Variants in CRYAB observed in about 807,000 individuals in gnomAD.
CRYAB encodes the protein alpha-crystallin B chain.
Under a neutral mutation model 12.7 loss-of-function variants are expected in CRYAB, and 9 were observed. That is an observed-to-expected ratio of 0.71 (90% confidence interval 0.43 to 1.24). CRYAB has a LOEUF of 1.24. Ranked by LOEUF, CRYAB falls within the 50% of genes most tolerant of loss-of-function variation. The probability of loss-of-function intolerance (pLI) is 0.00; values close to 1 mark genes in which losing one functional copy is unlikely to be tolerated. For missense variants in CRYAB, 183 were observed against 226.6 expected, an observed-to-expected ratio of 0.81 and a Z score of 1.24; for synonymous variants, 93 against 86.8, an observed-to-expected ratio of 1.07 and a Z score of -0.40.
At chr11:111,921,725 C>A (rs1344319112) in intron 1 of CRYAB, among the ~76,000 whole-genome samples, 2 of 152,102 alleles carry the variant, frequency 1.3e-5, no homozygotes, top group African/African-American at 4.8e-5. Context: ...CATTAGTGGT[C>A]AACTTTTACT....
In CRYAB at chr11:111,908,883, G is replaced by A; in HGVS notation, c.409C>T (p.Leu137=). The change falls in exon 3 of 3, where the codon CTG becomes TTG. Residue 137 remains leucine, a synonymous_variant. Coordinates refer to ENST00000650687, the MANE Select transcript of CRYAB (RefSeq NM_001289808.2). The part of the protein sequence containing the change: ...DVDPLTITSS[L]SSDGVLTVNG... ...ACAGTGAGGACCCCATCAGATGACA[G>A]GGATGAAGTAATGGTGAGAGGGTCT... 6.2e-7 allele frequency: 1 copy of A among 1,614,178 alleles called. No homozygotes were observed. The highest frequency in any genetic ancestry group is 8.5e-7 in the Non-Finnish European group (1 of 1,180,034).
chr11:111,913,894 G>C (rs1965553630), upstream of CRYAB: 1 of 1,601,560 alleles, frequency 6.2e-7, no homozygotes, highest in East Asian at 2.2e-5. Context: ...GTTGAGCCCT[G>C]ATTGCCACAG....
At chr11:111,913,053 C>T, upstream of CRYAB, 1 of 683,832 alleles carries the variant, frequency 1.5e-6, no homozygotes. Flanking sequence ...ACCCCCCACC[C>T]CAGACTACCC....
At chr11:111,911,883 C>T (rs1303762908), upstream of CRYAB, 2 of 626,034 alleles carry the variant, frequency 3.2e-6, no homozygotes, top group Middle Eastern at 4.3e-4. Flanking sequence ...ACTTGTGATC[C>T]GGGATTTGGC....
At chr11:111,909,054 CT>C in intron 2 of CRYAB, 87 bp from the exon 3 acceptor site, 1 of 1,356,704 alleles carries the variant, frequency 7.4e-7, no homozygotes, top group Non-Finnish European at 1.0e-6. Context: ...CTGATTTCCC[CT>C]TAGGTGAGAC....
rs149787233 is a variant in CRYAB, at chr11:111,911,609, G to A, written c.116C>T (p.Pro39Leu). ...GAAGGGACTCAGGGAAGTAGACGTC[G>A]GGAAAAGATCAGACTCCAACAGGTG... ...GEHLLESDLF[P>L]TSTSLSPFYL... is the part of the protein sequence containing the mutation. The change falls in exon 1 of 3, where the codon CCG becomes CTG. Residue 39 changes from proline (P) to leucine (L), a missense_variant. Coordinates refer to ENST00000650687, the MANE Select transcript of CRYAB (RefSeq NM_001289808.2). 305 of 1,612,866 alleles carry A rather than the reference G, an allele frequency of 1.9e-4. No individual in the cohort carries two copies. The highest frequency in any genetic ancestry group is 2.3e-4 in the Non-Finnish European group (273 of 1,179,678).
upstream of CRYAB, among the ~76,000 whole-genome samples, chr11:111,915,967 C>G (rs1170118242): frequency 6.6e-6 from 1 of 151,704 alleles, no homozygotes; most frequent in Non-Finnish European, 1.5e-5. Flanking sequence ...GTCTTGAACT[C>G]CTGGACTCAA....
intron 1 of CRYAB, among the ~76,000 whole-genome samples, chr11:111,911,218 T>G (rs781894697): frequency 4.2e-4 from 64 of 152,180 alleles, no homozygotes; most frequent in Admixed American, 7.2e-4. Flanking sequence ...GCAAAGGAGT[T>G]TGAAGGCAGC....
At chr11:111,913,785 C>A (rs1406676332), upstream of CRYAB, 1 of 1,614,074 alleles carries the variant, frequency 6.2e-7, no homozygotes, top group Non-Finnish European at 8.5e-7. Flanking sequence ...CCTGGAAGCA[C>A]CTCGGGGTGG....
At chr11:111,912,040 G>T (rs1399500378), upstream of CRYAB, 3 of 314,332 alleles carry the variant, frequency 9.5e-6, no homozygotes, top group Non-Finnish European at 1.8e-5. Context: ...CTCTGAAGCT[G>T]GTACAGAGTC....
At chr11:111,920,798 G>T (rs1425356826) in intron 1 of CRYAB, among the ~76,000 whole-genome samples, 1 of 151,986 alleles carries the variant, frequency 6.6e-6, no homozygotes, top group Non-Finnish European at 1.5e-5. Context: ...GCAGAAGTAG[G>T]AAAAAGAAGA....
At chr11:111,911,778 G>T, upstream of CRYAB, 1 of 1,209,234 alleles carries the variant, frequency 8.3e-7, no homozygotes, top group Non-Finnish European at 1.2e-6. Flanking sequence ...TTCAGCTGCA[G>T]CTACAGCCAG....
chr11:111,919,499 C>G (rs1211333575), intron 1 of CRYAB, among the ~76,000 whole-genome samples: 4 of 151,982 alleles, frequency 2.6e-5, no homozygotes, highest in Admixed American at 2.6e-4. Flanking sequence ...AAAAACAGAG[C>G]CAAGCTAGCT....
At chr11:111,909,304 G>A (rs1307797079) in intron 2 of CRYAB, 1 of 461,050 alleles carries the variant, frequency 2.2e-6, no homozygotes, top group Non-Finnish European at 4.3e-6. Context: ...CTGAGTCCCT[G>A]AGGAAGCCCT....
chr11:111,911,931 A>G (rs1465047731), upstream of CRYAB: 15 of 582,286 alleles, frequency 2.6e-5, no homozygotes, highest in Non-Finnish European at 4.6e-5. Context: ...AGCTAAGAAA[A>G]GAGAGACACA....
upstream of CRYAB, among the ~76,000 whole-genome samples, chr11:111,916,028 C>T (rs1358930146): frequency 1.3e-5 from 2 of 152,078 alleles, no homozygotes; most frequent in African/African-American, 2.4e-5. Flanking sequence ...AGGTGTGAGC[C>T]TCTGTACCTG....
At chr11:111,913,591 A>G (rs1555165871), upstream of CRYAB, 3 of 1,614,010 alleles carry the variant, frequency 1.9e-6, no homozygotes, top group African/African-American at 4.0e-5. Context: ...GATGTGAGCC[A>G]CTTTACCCCA....
Position 111,911,590 on chromosome 11 carries a change from A to G in CRYAB, c.135T>C (p.Ser45=), listed in dbSNP as rs1355387914. The change falls in exon 1 of 3, where the codon AGT becomes AGC. Residue 45 remains serine, a synonymous_variant. Coordinates refer to ENST00000650687, the MANE Select transcript of CRYAB (RefSeq NM_001289808.2). ...AGGAGGGTGGCCGAAGGTAGAAGGG[A>G]CTCAGGGAAGTAGACGTCGGGAAAA... is the stretch of plus-strand genomic sequence containing the variant. ...SDLFPTSTSL[S]PFYLRPPSFL... is the part of the protein sequence containing the mutation. The G allele has an allele frequency of 3.1e-6, 5 of 1,613,258 alleles. No homozygotes were observed. The highest frequency in any genetic ancestry group is 1.7e-5 in the Admixed American group (1 of 59,902).
At chr11:111,914,123 C>T (rs150183137), upstream of CRYAB, 89 of 464,916 alleles carry the variant, frequency 1.9e-4, 1 homozygote, top group African/African-American at 1.5e-3. Context: ...ATTCTGTGGC[C>T]GGGAAGCTGG....
Sources: allele counts gnomAD v4.1 joint callset (sites outside exome capture counted in the v4.1 genomes callset), GRCh38; gene constraint gnomAD v4.1.1; transcripts MANE v1.5; gene names NCBI Gene and HGNC (gene_info 2026-07-23, HGNC 2026-07-21).